The following DENND1B variants were observed in gnomAD, a reference collection of about 807,000 sequenced individuals.
DENND1B encodes the protein DENN domain-containing protein 1B.
Under a neutral mutation model 90.1 loss-of-function variants are expected in DENND1B, and 59 were observed. The observed-to-expected ratio is 0.65, with a 90% CI of 0.53 to 0.81. DENND1B has a LOEUF of 0.81. Ranked by LOEUF, DENND1B falls within the 40% of genes least tolerant of loss-of-function variation. The pLI, the probability that DENND1B is intolerant of heterozygous loss-of-function variation, is 0.00. For synonymous variants in DENND1B, 337 were observed against 324.6 expected, an observed-to-expected ratio of 1.04 and a Z score of -0.41; for missense variants, 862 against 912.6, an observed-to-expected ratio of 0.94 and a Z score of 0.71.
At chr1:197,737,159 G>A (rs1353601481) in intron 2 of DENND1B, among the ~76,000 whole-genome samples, 1 of 152,058 alleles carries the variant, frequency 6.6e-6, no homozygotes, top group Non-Finnish European at 1.5e-5. Context: ...CCTACAATCA[G>A]CTATAAGGCA....
intron 15 of DENND1B, among the ~76,000 whole-genome samples, chr1:197,559,713 G>T (rs944176164): frequency 6.5e-5 from 5 of 76,714 alleles, no homozygotes; most frequent in Non-Finnish European, 1.4e-4. Flanking sequence ...AATGCTCCGG[G>T]CTAAAAATTT....
intron 9 of DENND1B, among the ~76,000 whole-genome samples, chr1:197,644,661 C>T (rs955313725): frequency 1.1e-4 from 16 of 152,246 alleles, no homozygotes; most frequent in South Asian, 2.1e-4. Context: ...CAGGCCCATA[C>T]GAGCAACTTG....
intron 20 of DENND1B, among the ~76,000 whole-genome samples, chr1:197,515,850 A>G (rs1397185814): frequency 6.6e-6 from 1 of 151,808 alleles, no homozygotes; most frequent in African/African-American, 2.4e-5. Context: ...AAAACTAGGA[A>G]CCAGAAAACA....
chr1:197,637,654 A>G (rs1347579059), intron 10 of DENND1B, among the ~76,000 whole-genome samples: 1 of 152,178 alleles, frequency 6.6e-6, no homozygotes, highest in East Asian at 1.9e-4. Flanking sequence ...TACAATGTTC[A>G]GAATAGCTGT....
intron 2 of DENND1B, among the ~76,000 whole-genome samples, chr1:197,768,960 T>C (rs1017888082): frequency 2.0e-5 from 3 of 152,190 alleles, no homozygotes; most frequent in African/African-American, 7.2e-5. Context: ...TATCAAGTTA[T>C]ATTTTAAAAG....
intron 3 of DENND1B, chr1:197,688,879 A>C (rs997446743): frequency 1.9e-5 from 4 of 214,372 alleles, no homozygotes; most frequent in African/African-American, 9.2e-5. Flanking sequence ...GAACCATTAA[A>C]AAATGTGAGG....
rs554296595 is a variant in DENND1B at position 197,579,043 on chromosome 1, T to C, written c.1149+4109A>G. On this transcript the variant is annotated intron_variant, in intron 15 of 22. Transcript: ENST00000620048. ...GGTCCACCAATTAGATTATCTAGAATAGCTTTCCAAGTGATTCAGATAGGT... is the reference window on the plus strand; with the variant it reads ...GGTCCACCAATTAGATTATCTAGAACAGCTTTCCAAGTGATTCAGATAGGT... Among the ~76,000 whole-genome samples, 295 of 152,314 alleles carry C rather than the reference T, an allele frequency of 1.9e-3. 2 individuals are homozygous for C. Among genetic ancestry groups the C allele is most frequent in the Non-Finnish European group, 3.6e-3 (248 of 68,026 alleles).
chr1:197,642,746 T>C lies in DENND1B; in HGVS notation c.637A>G (p.Arg213Gly), dbSNP rs941660294. 1 of 1,613,648 alleles carries C rather than the reference T, an allele frequency of 6.2e-7. No individual in the cohort carries two copies. Among genetic ancestry groups the C allele is most frequent in the Non-Finnish European group, 8.5e-7 (1 of 1,179,776 alleles). ...LQLYASMLHE[R>G]RIVIISSKLS... Reference sequence around the variant, plus strand: ...TTGCTCGAGATAATCACGATGCGCCTTTCATGCAGCATACTGGCATACAGC... The same window carrying C: ...TTGCTCGAGATAATCACGATGCGCCCTTCATGCAGCATACTGGCATACAGC... The change falls in exon 10 of 23, where the codon AGG (arginine) becomes GGG (glycine). Residue 213 changes from arginine to glycine, a missense_variant. By Grantham distance (125) the Arg-to-Gly change is moderately radical. Coordinates refer to ENST00000620048, the MANE Select transcript of DENND1B (RefSeq NM_001195215.2).
At chr1:197,715,224 TCTC>T (rs1660535578) in intron 2 of DENND1B, 150 bp from the exon 3 acceptor site, 1 of 493,216 alleles carries the variant, frequency 2.0e-6, no homozygotes, top group African/African-American at 2.0e-5. Context: ...GACATTCACT[TCTC>T]TTCCTTTCTA....
chr1:197,547,797 A>C (rs1437123166), intron 16 of DENND1B, among the ~76,000 whole-genome samples: 1 of 146,146 alleles, frequency 6.8e-6, no homozygotes, highest in Non-Finnish European at 1.5e-5. Flanking sequence ...TATTCTACCA[A>C]TTTATTTCTC....
Position 197,625,165 on chromosome 1 carries a change from G to A in DENND1B, c.673-7406C>T, listed in dbSNP as rs1215801661. ...TTCAGATTCAGGAAATACAGAGAACGCCACAAAGATATGCCTCGAGAAGAG... is the reference window on the plus strand; with the variant it reads ...TTCAGATTCAGGAAATACAGAGAACACCACAAAGATATGCCTCGAGAAGAG... On this transcript the variant is annotated intron_variant, in intron 10 of 22. Transcript: ENST00000620048. 1.2e-4 allele frequency among the ~76,000 whole-genome samples: 18 copies of A among 151,996 alleles called. 1 individual carries two copies. The East Asian group carries it at 2.3e-3, about 20-fold the overall frequency.
rs565135103 is a variant in DENND1B, at chr1:197,741,542, C to G, written c.83-26468G>C. 7.2e-4 allele frequency among the ~76,000 whole-genome samples: 110 copies of G among 152,244 alleles called. 1 individual carries two copies. The highest frequency in any genetic ancestry group is 2.6e-3 in the African/African-American group (107 of 41,570). On this transcript the variant is annotated intron_variant, in intron 2 of 22. Coordinates refer to ENST00000620048, the MANE Select transcript of DENND1B (RefSeq NM_001195215.2). ...TGCACAATCGTTTGAACCTAATTAT[C>G]AAATTGACAATTTAAAGTAATTATA...
intron 10 of DENND1B, among the ~76,000 whole-genome samples, chr1:197,622,368 C>T (rs1243881235): frequency 6.6e-6 from 1 of 151,330 alleles, no homozygotes; most frequent in African/African-American, 2.4e-5. Flanking sequence ...AGCTTATCAA[C>T]AGCAAAGCCA....
At chr1:197,768,586 T>C (rs1465234304) in intron 2 of DENND1B, among the ~76,000 whole-genome samples, 6 of 152,060 alleles carry the variant, frequency 3.9e-5, no homozygotes, top group Non-Finnish European at 8.8e-5. Flanking sequence ...CTTGGAGATC[T>C]ACCAGGAAGA....
intron 2 of DENND1B, among the ~76,000 whole-genome samples, chr1:197,741,137 C>G (rs1188154567): frequency 6.6e-6 from 1 of 152,104 alleles, no homozygotes; most frequent in African/African-American, 2.4e-5. Flanking sequence ...AATCATTATC[C>G]TCTATGTTGA....
chr1:197,668,920 A>T (rs188516889), intron 5 of DENND1B, among the ~76,000 whole-genome samples: 12 of 152,022 alleles, frequency 7.9e-5, no homozygotes, highest in Admixed American at 7.2e-4. Flanking sequence ...TTATTTAAAA[A>T]TTTTTTCAAT....
chr1:197,769,072 T>C (rs1426359887), intron 2 of DENND1B, among the ~76,000 whole-genome samples: 1 of 152,202 alleles, frequency 6.6e-6, no homozygotes, highest in Non-Finnish European at 1.5e-5. Context: ...TAGACTTACC[T>C]ATGAAAAATG....
intron 5 of DENND1B, among the ~76,000 whole-genome samples, chr1:197,669,435 T>A (rs1208767934): frequency 6.6e-6 from 1 of 152,140 alleles, no homozygotes; most frequent in Non-Finnish European, 1.5e-5. Context: ...GATACACTGA[T>A]TATAGCTTAC....
chr1:197,650,975 C>T (rs1247219352), intron 7 of DENND1B, among the ~76,000 whole-genome samples: 1 of 151,968 alleles, frequency 6.6e-6, no homozygotes, highest in African/African-American at 2.4e-5. Context: ...AAAGAACTTA[C>T]TCATGTAACC....
Sources: allele counts gnomAD v4.1 joint callset (sites outside exome capture counted in the v4.1 genomes callset), GRCh38; gene constraint gnomAD v4.1.1; transcripts MANE v1.5; gene names NCBI Gene and HGNC (gene_info 2026-07-23, HGNC 2026-07-21).